FSD1: variants seen among roughly 807,000 people sequenced by gnomAD.
The protein encoded by FSD1 is fibronectin type III and SPRY domain containing 1, also known as fibronectin type III and SPRY domain-containing protein 1.
A neutral mutation model predicts 58.2 loss-of-function variants in FSD1; 23 were observed. That is an observed-to-expected ratio of 0.40 (90% confidence interval 0.28 to 0.56). FSD1 has a LOEUF of 0.56. FSD1 is among the 20% of genes least tolerant of loss of function. The pLI, the probability that FSD1 is intolerant of heterozygous loss-of-function variation, is 0.54. For missense variants in FSD1, 563 were observed against 670.8 expected (o/e 0.84, Z 1.78); for synonymous variants, 265 against 263.4 (o/e 1.01, Z -0.06).
intron 7 of FSD1, among the ~76,000 whole-genome samples, 192 bp downstream of exon 7, chr19:4,312,243 C>A (rs1018980061): frequency 5.3e-5 from 8 of 152,248 alleles, no homozygotes; most frequent in Admixed American, 4.6e-4. Context: ...AATCCCAGCA[C>A]TTTGGGAGGC....
intron 4 of FSD1, among the ~76,000 whole-genome samples, chr19:4,309,120 C>T (rs1213799281): frequency 6.6e-6 from 1 of 151,948 alleles, no homozygotes; most frequent in Non-Finnish European, 1.5e-5. Context: ...TGGTGGCACA[C>T]ACCTGTGGTC....
chr19:4,310,380 A>AGAGCCCTGGACGG (rs1971674851), intron 5 of FSD1, 85 bp downstream of exon 5: 6 of 1,609,832 alleles, frequency 3.7e-6, no homozygotes, highest in Non-Finnish European at 5.1e-6. Context: ...GTCTCATCTC[A>AGAGCCCTGGACGG]GAGCCCTGGA....
chr19:4,323,756 A>G lies in FSD1; in HGVS notation c.*113A>G. On this transcript the variant is annotated 3_prime_UTR_variant, in exon 13 of 13. Coordinates refer to ENST00000221856, the MANE Select transcript of FSD1 (RefSeq NM_024333.3). This position sits in a 1 kb window ranked among gnomAD's most constrained non-coding sequence, Gnocchi z 7.7. ...TTGCTGCTTGGAGCCTTAACTCCAG[A>G]TGGGGGGGTCACCAAGAGGGAGTGG... 1.4e-6 allele frequency: 1 copy of G among 731,044 alleles called. No individual in the cohort carries two copies. Among genetic ancestry groups the G allele is most frequent in the Non-Finnish European group, 2.2e-6 (1 of 446,530 alleles). The allele number at this position is 731,044 out of a possible 1,614,324, so 45.3% of individuals were successfully genotyped here.
Position 4,317,965 on chromosome 19 carries a change from C to T in FSD1, c.800-381C>T, listed in dbSNP as rs554246441. On this transcript the variant is annotated intron_variant, in intron 8 of 12. Transcript: ENST00000221856. ...CCAGGAGGCGGAGGTTGCAATGAGC[C>T]GAGATTGTGCCACAGCACTCCAGCC... Among the ~76,000 whole-genome samples the T allele has an allele frequency of 5.1e-4, 78 of 152,148 alleles. 1 individual carries two copies. In the Middle Eastern group the frequency reaches 0.014, roughly 27 times the overall value.
chr19:4,317,389 G>T, intron 8 of FSD1, 109 bp downstream of exon 8: 1 of 694,554 alleles, frequency 1.4e-6, no homozygotes, highest in South Asian at 1.6e-5. Flanking sequence ...CTGCCAGGAA[G>T]CTCAAAGCTC....
chr19:4,306,165 G>T (rs887597557), intron 2 of FSD1, 33 bp from the exon 3 acceptor site: 2 of 1,613,738 alleles, frequency 1.2e-6, no homozygotes, highest in Non-Finnish European at 1.7e-6. Flanking sequence ...CTCTGAACAC[G>T]GGCTTTGGCC....
chr19:4,306,030 C>T lies in FSD1; in HGVS notation c.100C>T (p.Leu34=), dbSNP rs149600547. 146 of 1,613,636 alleles carry T rather than the reference C, an allele frequency of 9.0e-5. No homozygotes were observed. Among genetic ancestry groups the T allele is most frequent in the Non-Finnish European group, 1.1e-4 (128 of 1,179,712 alleles). Residue 34 remains leucine (L), a synonymous_variant, in exon 2 of 13, where the codon CTG becomes TTG. Transcript: ENST00000221856. Reference sequence around the variant, plus strand: ...TATCTACTCCCTGAAACAGATGCTGCTGAACGTGGAGGTGAAGGCGGTGGG... The same window carrying T: ...TATCTACTCCCTGAAACAGATGCTGTTGAACGTGGAGGTGAAGGCGGTGGG... The part of the protein sequence containing the change: ...SFIYSLKQML[L]NVEANSAKVQ...
At chr19:4,306,474 T>C (rs1001527985) in intron 3 of FSD1, 145 bp downstream of exon 3, 24 of 597,254 alleles carry the variant, frequency 4.0e-5, no homozygotes, top group African/African-American at 7.7e-5. Context: ...CACTCTCTCT[T>C]TTTTTTTTTT....
intron 3 of FSD1, among the ~76,000 whole-genome samples, chr19:4,307,530 G>A (rs946125882): frequency 6.6e-6 from 1 of 152,096 alleles, no homozygotes; most frequent in Non-Finnish European, 1.5e-5. Flanking sequence ...ACCACACCCA[G>A]CTACTTTTTT....
In FSD1 at chr19:4,307,926, G is replaced by A. The variant is rs778596294; in HGVS notation, c.288G>A (p.Glu96=). 1 of 1,613,972 alleles carries A rather than the reference G, an allele frequency of 6.2e-7. No homozygotes were observed. The highest frequency in any genetic ancestry group is 8.5e-7 in the Non-Finnish European group (1 of 1,179,962). ...ACTRALESSE[E]LLETANQTLQ... ...CGCGGGCCCTGGAGAGCTCCGAGGA[G>A]CTTCTGGAGACAGCCAACCAGACTC... The change falls in exon 4 of 13, where the codon GAG becomes GAA. Residue 96 remains glutamate (E), a synonymous_variant. Coordinates refer to ENST00000221856, the MANE Select transcript of FSD1 (RefSeq NM_024333.3).
chr19:4,305,866 A>G lies in FSD1; in HGVS notation c.16-80A>G, dbSNP rs912370069. The G allele has an allele frequency of 2.5e-5, 25 of 1,014,354 alleles. No homozygotes were observed. The African/African-American group carries it at 2.7e-4, about 11-fold the overall frequency. 62.8% of individuals were successfully genotyped at this position (1,014,354 alleles called of 1,614,324 possible). A position where few individuals can be genotyped will look rare whatever the true frequency, so the allele number is the denominator to read the frequency against. On this transcript the variant is annotated intron_variant, in intron 1 of 12. Coordinates refer to ENST00000221856, the MANE Select transcript of FSD1 (RefSeq NM_024333.3). The stretch of plus-strand genomic sequence containing the variant: ...TGTGTGCATGTGTGTGCACGTGTGT[A>G]CATGTGCGTACACGTGTGTGTACCT...
rs753494272 is a variant in FSD1, at chr19:4,323,441, G to T, written c.1380+5G>T. On this transcript the variant is annotated splice_donor_5th_base_variant and intron_variant, in intron 12 of 12. Coordinates refer to ENST00000221856, the MANE Select transcript of FSD1 (RefSeq NM_024333.3). This position sits in a 1 kb window ranked among gnomAD's most constrained non-coding sequence, Gnocchi z 7.7. ...CCGCTGCTGCCTGCTTTCACGGTGA[G>T]CTGCCCTCCGCGGCCCAGGGGGAGG... 21 of 1,612,434 alleles carry T rather than the reference G, an allele frequency of 1.3e-5. No homozygotes were observed. The highest frequency in any genetic ancestry group is 1.8e-5 in the Non-Finnish European group (21 of 1,178,866).
chr19:4,319,418 G>A (rs191419257), intron 10 of FSD1, among the ~76,000 whole-genome samples: 67 of 152,344 alleles, frequency 4.4e-4, no homozygotes, highest in African/African-American at 1.5e-3. Flanking sequence ...AGTAGCATAA[G>A]AATGATTGGA....
At chr19:4,308,990 G>T (rs1319420636) in intron 4 of FSD1, among the ~76,000 whole-genome samples, 1 of 152,160 alleles carries the variant, frequency 6.6e-6, no homozygotes, top group Non-Finnish European at 1.5e-5. Context: ...CAGGAGGATG[G>T]TGTGAACCCG....
chr19:4,310,154 G>C (rs1769659599), intron 4 of FSD1, 119 bp from the exon 5 acceptor site: 1 of 1,093,050 alleles, frequency 9.1e-7, no homozygotes, highest in Non-Finnish European at 1.4e-6. Flanking sequence ...GAACCCAGGA[G>C]GTGGAGGTTG....
chr19:4,314,023 G>A (rs890366462), intron 7 of FSD1, among the ~76,000 whole-genome samples: 5 of 150,204 alleles, frequency 3.3e-5, no homozygotes, highest in East Asian at 1.9e-4. Flanking sequence ...GGGAGACTCC[G>A]TCTCAAAAAA....
intron 10 of FSD1, 141 bp from the exon 11 acceptor site, chr19:4,322,845 A>T: frequency 9.8e-7 from 1 of 1,024,072 alleles, no homozygotes; most frequent in Non-Finnish European, 1.4e-6. Context: ...TCTGGGGGGT[A>T]CAGCTAGGAA....
chr19:4,313,764 C>T (rs1465872616), intron 7 of FSD1, among the ~76,000 whole-genome samples: 8 of 148,476 alleles, frequency 5.4e-5, no homozygotes, highest in African/African-American at 9.9e-5. Context: ...TGGTGGCTCA[C>T]GCTGTAATCC....
chr19:4,323,545 A>G lies in FSD1; in HGVS notation c.1393A>G (p.Ser465Gly). ...CGCTGTCCCTCAGGTATGGTGTGGC[A>G]GCTTCCAGGTGACGACAGGCCTGCA... Reference protein sequence around the residue: ...LLPAFTVWCGSFQVTTGLQVP... With the variant: ...LLPAFTVWCGGFQVTTGLQVP... The change falls in exon 13 of 13, where the codon AGC (serine) becomes GGC (glycine). Residue 465 changes from serine to glycine, a missense_variant. Ser to Gly is a moderately conservative substitution (Grantham distance 56). Transcript: ENST00000221856. The surrounding 1 kb of genome is among the most constrained non-coding windows in gnomAD (Gnocchi z 7.7). The G allele has an allele frequency of 6.4e-7, 1 of 1,570,668 alleles. No homozygotes were observed. The highest frequency in any genetic ancestry group is 8.7e-7 in the Non-Finnish European group (1 of 1,148,500).
Sources: allele counts gnomAD v4.1 joint callset (sites outside exome capture counted in the v4.1 genomes callset), GRCh38; gene constraint gnomAD v4.1.1; non-coding constraint Gnocchi (gnomAD v3.1); transcripts MANE v1.5; gene names NCBI Gene and HGNC (gene_info 2026-07-23, HGNC 2026-07-21).